Variants in TNNI3K observed in about 807,000 individuals in gnomAD.
TNNI3K encodes TNNI3 interacting kinase, also known as serine/threonine-protein kinase TNNI3K.
TNNI3K carries 140 observed loss-of-function variants against 114.5 expected under a neutral mutation model. The ratio of observed to expected loss-of-function variants is 1.22; its 90% CI spans 1.07 to 1.41. The LOEUF is 1.41. Among genes scored for constraint, TNNI3K ranks in the 40% most tolerant of loss-of-function variants. TNNI3K has a pLI of 0.00. For missense variants in TNNI3K, 1,125 were observed against 1,007.6 expected, an observed-to-expected ratio of 1.12 and a Z score of -1.58; for synonymous variants, 347 against 347.5, an observed-to-expected ratio of 1.00 and a Z score of 0.02.
chr1:74,315,912 A>G (rs1223145176), intron 5 of TNNI3K, among the ~76,000 whole-genome samples: 1 of 152,164 alleles, frequency 6.6e-6, no homozygotes, highest in Non-Finnish European at 1.5e-5. Context: ...ACACTTATTG[A>G]CCACTATGCA....
chr1:74,394,825 A>T (rs945896871), intron 17 of TNNI3K, among the ~76,000 whole-genome samples: 2 of 152,110 alleles, frequency 1.3e-5, no homozygotes, highest in African/African-American at 2.4e-5. Context: ...CGGGTGGATC[A>T]TGAGGTCAGG....
At chr1:74,500,192 C>T (rs1382674721) in intron 23 of TNNI3K, among the ~76,000 whole-genome samples, 3 of 151,982 alleles carry the variant, frequency 2.0e-5, no homozygotes, top group Non-Finnish European at 4.4e-5. Context: ...TTATCTTCAT[C>T]AAGATTTTAT....
chr1:74,481,086 TAAAC>T (rs1420958184), intron 21 of TNNI3K: 2 of 583,112 alleles, frequency 3.4e-6, no homozygotes, highest in Admixed American at 3.2e-5. Context: ...GTAAAAACAA[TAAAC>T]AATACAAAAA....
At chr1:74,422,738 G>A (rs946311089) in intron 17 of TNNI3K, among the ~76,000 whole-genome samples, 1 of 151,782 alleles carries the variant, frequency 6.6e-6, no homozygotes, top group Non-Finnish European at 1.5e-5. Context: ...GAGTTAAATA[G>A]AACAGCTATA....
chr1:74,374,604 C>G (rs977088382), intron 17 of TNNI3K: 1 of 151,964 alleles, frequency 6.6e-6, no homozygotes, highest in Non-Finnish European at 1.5e-5. Flanking sequence ...CAAACAATTT[C>G]TCATATCATC....
intron 5 of TNNI3K, among the ~76,000 whole-genome samples, chr1:74,275,332 C>G (rs1451176633): frequency 1.3e-5 from 2 of 152,052 alleles, no homozygotes; most frequent in Non-Finnish European, 2.9e-5. Context: ...AAAGCAGAAA[C>G]CCCTGATCAA....
chr1:74,465,665 G>A (rs1667647078), intron 21 of TNNI3K, among the ~76,000 whole-genome samples: 1 of 152,140 alleles, frequency 6.6e-6, no homozygotes, highest in Admixed American at 6.5e-5. Context: ...GGACTGGTGG[G>A]CAGCTCTGCC....
intron 7 of TNNI3K, among the ~76,000 whole-genome samples, chr1:74,340,188 A>G (rs1319124880): frequency 6.6e-6 from 1 of 152,112 alleles, no homozygotes; most frequent in African/African-American, 2.4e-5. Context: ...TAAAGAAGAA[A>G]CAGCACCCAT....
At chr1:74,279,109 A>G (rs1053997218) in intron 5 of TNNI3K, among the ~76,000 whole-genome samples, 2 of 152,298 alleles carry the variant, frequency 1.3e-5, no homozygotes, top group African/African-American at 4.8e-5. Flanking sequence ...ACTTCTAGTC[A>G]CAAAAATGTG....
At chr1:74,535,370 T>C (rs1036615245) in intron 23 of TNNI3K, among the ~76,000 whole-genome samples, 5 of 152,086 alleles carry the variant, frequency 3.3e-5, no homozygotes, top group African/African-American at 1.2e-4. Context: ...ACTCTTATGC[T>C]GACACACAAG....
chr1:74,475,117 CA>C (rs1668127378), intron 21 of TNNI3K, among the ~76,000 whole-genome samples: 1 of 14,580 alleles, frequency 6.9e-5, no homozygotes, highest in African/African-American at 5.5e-4. Context: ...CACCTCAGCC[CA>C]CACACACACA....
intron 11 of TNNI3K, among the ~76,000 whole-genome samples, chr1:74,359,955 T>C (rs1161356258): frequency 6.6e-6 from 1 of 151,966 alleles, no homozygotes; most frequent in African/African-American, 2.4e-5. Flanking sequence ...TACCATCCAC[T>C]TTGTCACTTA....
At chr1:74,353,571 G>T (rs1033174620) in intron 10 of TNNI3K, among the ~76,000 whole-genome samples, 18 of 151,234 alleles carry the variant, frequency 1.2e-4, no homozygotes, top group Non-Finnish European at 2.4e-4. Context: ...TAAATTATTT[G>T]CAGTCAGTGC....
chr1:74,399,970 C>T (rs528650288), intron 17 of TNNI3K, among the ~76,000 whole-genome samples: 18 of 152,146 alleles, frequency 1.2e-4, no homozygotes, highest in African/African-American at 3.6e-4. Flanking sequence ...TGAAACAGGT[C>T]GCTATTGGGG....
At chr1:74,477,103 T>C (rs1557592435) in intron 21 of TNNI3K, among the ~76,000 whole-genome samples, 1 of 152,178 alleles carries the variant, frequency 6.6e-6, no homozygotes, top group Non-Finnish European at 1.5e-5. Context: ...ATCCTTTTAT[T>C]GACAGATAGA....
chr1:74,281,040 G>A (rs1394100589), intron 5 of TNNI3K, among the ~76,000 whole-genome samples: 1 of 152,128 alleles, frequency 6.6e-6, no homozygotes. Flanking sequence ...CCAGGCCCTG[G>A]CTACTGAACA....
intron 9 of TNNI3K, among the ~76,000 whole-genome samples, chr1:74,346,472 A>G (rs920120972): frequency 2.0e-5 from 3 of 152,048 alleles, no homozygotes; most frequent in Non-Finnish European, 4.4e-5. Flanking sequence ...AATATCCCTG[A>G]AAGCAGTTGA....
In TNNI3K at chr1:74,343,188, A is replaced by G. The variant is rs1660835564; in HGVS notation, c.932+9A>G. 1 of 1,604,704 alleles carries G rather than the reference A, an allele frequency of 6.2e-7. No homozygotes were observed. Among genetic ancestry groups the G allele is most frequent in the African/African-American group, 1.3e-5 (1 of 74,546 alleles). ...GAAACAGCTTTTCATAGGTAAAAGA[A>G]TATTTAAGTGCAATAGCCACTAAAC... On this transcript the variant is annotated intron_variant, in intron 9 of 24. Transcript: ENST00000326637.
In TNNI3K at chr1:74,492,028, A is replaced by G. The variant is rs550089495; in HGVS notation, c.2182-69A>G. 180 of 1,388,764 alleles carry G rather than the reference A, an allele frequency of 1.3e-4. 1 individual carries two copies. In the African/African-American group the frequency reaches 2.4e-3, roughly 19 times the overall value. 86.0% of individuals were successfully genotyped at this position (1,388,764 alleles called of 1,614,324 possible). A position where few individuals can be genotyped will look rare whatever the true frequency, so the allele number is the denominator to read the frequency against. ...AACCTTGGAATAGAAAGTTAAATCC[A>G]TATTTTATGTTATGTCTTCACACCT... is the stretch of plus-strand genomic sequence containing the variant. On this transcript the variant is annotated intron_variant, in intron 22 of 24. Coordinates refer to ENST00000326637, the MANE Select transcript of TNNI3K (RefSeq NM_015978.3).
Sources: allele counts gnomAD v4.1 joint callset (sites outside exome capture counted in the v4.1 genomes callset), GRCh38; gene constraint gnomAD v4.1.1; transcripts MANE v1.5; gene names NCBI Gene and HGNC (gene_info 2026-07-23, HGNC 2026-07-21).